GNAS-AS1: variants seen among roughly 807,000 people sequenced by gnomAD.
GNAS-AS1 encodes the protein GNAS antisense RNA 1.
rs1327351671 is a variant in GNAS-AS1 at position 58,831,257 on chromosome 20, C to T, written n.819+10680G>A. On this transcript the variant is annotated intron_variant and non_coding_transcript_variant, in intron 4 of 4. Transcript: ENST00000424094. ...CGAACAGTGGCATAAGCCACTGTGC[C>T]CGGCCAGACCACGCTAATATTTCAA... Among the ~76,000 whole-genome samples the T allele has an allele frequency of 3.3e-5, 5 of 152,042 alleles. No homozygotes were observed. The East Asian group carries it at 5.8e-4, about 18-fold the overall frequency.
chr20:58,838,319 C>G (rs1308395044), intron 4 of GNAS-AS1, among the ~76,000 whole-genome samples: 1 of 152,106 alleles, frequency 6.6e-6, no homozygotes, highest in African/African-American at 2.4e-5. Context: ...GAAAGAGCGG[C>G]ACTATTTACT....
At chr20:58,822,582 T>A (rs761013782) in intron 4 of GNAS-AS1, among the ~76,000 whole-genome samples, 14 of 152,240 alleles carry the variant, frequency 9.2e-5, no homozygotes, top group Admixed American at 3.3e-4. Flanking sequence ...ACATACCATG[T>A]ATCTGGGTGA....
At chr20:58,845,793 G>C (rs527593555) in intron 2 of GNAS-AS1, among the ~76,000 whole-genome samples, 2 of 152,306 alleles carry the variant, frequency 1.3e-5, no homozygotes, top group East Asian at 3.9e-4. Context: ...TAGTGACTTA[G>C]TTCTCCCAAG....
At position 58,841,765 on chromosome 20, in the gene GNAS-AS1, G is replaced by A; in HGVS notation, n.819+172C>T. The A allele has an allele frequency of 8.1e-7, 1 of 1,230,132 alleles. No individual in the cohort carries two copies. 76.2% of individuals were successfully genotyped at this position (1,230,132 alleles called of 1,614,324 possible). A position where few individuals can be genotyped will look rare whatever the true frequency, so the allele number is the denominator to read the frequency against. ...CATGGTCACGTCGGGGTATTGCCAA[G>A]CTTTTGGCGCAGCTGGTCGGGTGGC... On this transcript the variant is annotated intron_variant and non_coding_transcript_variant, in intron 4 of 4. Transcript: ENST00000424094. This position sits in a 1 kb window ranked among gnomAD's most constrained non-coding sequence, Gnocchi z 5.0.
At chr20:58,824,278 CCT>C (rs1600643401) in intron 4 of GNAS-AS1, among the ~76,000 whole-genome samples, 1 of 152,342 alleles carries the variant, frequency 6.6e-6, no homozygotes, top group African/African-American at 2.4e-5. Context: ...GCGCTGGCCT[CCT>C]CTCTGCCTTG....
chr20:58,830,417 C>CCACCAGCACCAT lies in GNAS-AS1; in HGVS notation n.820-11163_820-11162insATGGTGCTGGTG, dbSNP rs1568900271. ...CACCATCACTGCCACACCACCATCA[C>CCACCAGCACCAT]CACCACCGCCACACCACCATCATTA... On this transcript the variant is annotated intron_variant and non_coding_transcript_variant, in intron 4 of 4. Coordinates refer to ENST00000424094, the Ensembl canonical transcript of GNAS-AS1. 2.1e-3 allele frequency among the ~76,000 whole-genome samples: 133 copies of CCACCAGCACCAT among 63,192 alleles called. 2 individuals are homozygous for CCACCAGCACCAT. Among genetic ancestry groups the CCACCAGCACCAT allele is most frequent in the African/African-American group, 5.6e-3 (96 of 17,162 alleles). The allele number at this position is 63,192 out of a possible 152,430, so 41.5% of individuals were successfully genotyped here.
At chr20:58,828,477 A>C (rs895638602) in intron 4 of GNAS-AS1, among the ~76,000 whole-genome samples, 1 of 152,184 alleles carries the variant, frequency 6.6e-6, no homozygotes. Flanking sequence ...GACTAGAAAA[A>C]TTCAGTCTAA....
intron 4 of GNAS-AS1, chr20:58,825,984 G>C (rs1040272749): frequency 1.5e-5 from 6 of 398,336 alleles, no homozygotes; most frequent in Non-Finnish European, 1.3e-5. Context: ...GTCTCTGAGA[G>C]TGCGCCATTC....
At chr20:58,843,939 T>C (rs560315848) in intron 2 of GNAS-AS1, 102 of 152,332 alleles carry the variant, frequency 6.7e-4, no homozygotes, top group African/African-American at 2.3e-3. Context: ...CAGTTTGGGA[T>C]TGTTTTGAGA....
Position 58,841,252 on chromosome 20 carries a change from C to A in GNAS-AS1, n.819+685G>T. 1 of 970,292 alleles carries A rather than the reference C, an allele frequency of 1.0e-6. No individual in the cohort carries two copies. The highest frequency in any genetic ancestry group is 1.3e-6 in the Non-Finnish European group (1 of 777,598). The allele number at this position is 970,292 out of a possible 1,614,324, so 60.1% of individuals were successfully genotyped here. A position where few individuals can be genotyped will look rare whatever the true frequency, so the allele number is the denominator to read the frequency against. ...TCACTTGTTTTGCGCGCTTTTCTTCCTCCTAGAAAGACTAGTCTCAAATAA... is the reference window on the plus strand; with the variant it reads ...TCACTTGTTTTGCGCGCTTTTCTTCATCCTAGAAAGACTAGTCTCAAATAA... On this transcript the variant is annotated intron_variant and non_coding_transcript_variant, in intron 4 of 4. Coordinates refer to ENST00000424094, the Ensembl canonical transcript of GNAS-AS1. The surrounding 1 kb of genome is among the most constrained non-coding windows in gnomAD (Gnocchi z 5.0).
chr20:58,823,531 C>T (rs1174515888), intron 4 of GNAS-AS1, among the ~76,000 whole-genome samples: 1 of 152,214 alleles, frequency 6.6e-6, no homozygotes, highest in Non-Finnish European at 1.5e-5. Flanking sequence ...TCCTCCATCC[C>T]CCCCGTCTCC....
At chr20:58,825,937 C>T (rs2085516952) in intron 4 of GNAS-AS1, 1 of 396,380 alleles carries the variant, frequency 2.5e-6, no homozygotes, top group Non-Finnish European at 4.4e-6. Context: ...CTGGTGGCCA[C>T]AGGCCTTGTG....
rs1172235267 is a variant in GNAS-AS1, at chr20:58,840,730, G to T, written n.819+1207C>A. 6.2e-7 allele frequency: 1 copy of T among 1,604,564 alleles called. No homozygotes were observed. The highest frequency in any genetic ancestry group is 1.7e-5 in the Admixed American group (1 of 59,782). ...ATCCAAGGGACCCCGAAGAGTCGAA[G>T]GAGCCCAAGGAGGAGAAGCAGCGGC... On this transcript the variant is annotated intron_variant and non_coding_transcript_variant, in intron 4 of 4. Transcript: ENST00000424094. This position sits in a 1 kb window ranked among gnomAD's most constrained non-coding sequence, Gnocchi z 6.0.
In GNAS-AS1 at chr20:58,840,512, G is replaced by A. The variant is rs2085677036; in HGVS notation, n.819+1425C>T. 1.9e-6 allele frequency: 3 copies of A among 1,613,422 alleles called. No homozygotes were observed. Among genetic ancestry groups the A allele is most frequent in the African/African-American group, 1.3e-5 (1 of 74,892 alleles). The stretch of plus-strand genomic sequence containing the variant: ...CGAGCCTGAGACCGCCCCCACCACT[G>A]AGCCCGAGACCGAGCCTGAAGACGA... On this transcript the variant is annotated intron_variant and non_coding_transcript_variant, in intron 4 of 4. Transcript: ENST00000424094. This position sits in a 1 kb window ranked among gnomAD's most constrained non-coding sequence, Gnocchi z 6.0.
chr20:58,844,056 A>C (rs546275857), intron 2 of GNAS-AS1: 1 of 152,350 alleles, frequency 6.6e-6, no homozygotes, highest in South Asian at 2.1e-4. Flanking sequence ...GGAGGAAGAA[A>C]GCTGAAACTT....
chr20:58,820,231 C>A (rs551935375), intron 4 of GNAS-AS1, among the ~76,000 whole-genome samples: 1 of 152,378 alleles, frequency 6.6e-6, no homozygotes, highest in East Asian at 1.9e-4. Flanking sequence ...CTGAGCCACA[C>A]AGGTGGGGCT....
chr20:58,840,780 C>A lies in GNAS-AS1; in HGVS notation n.819+1157G>T. Reference sequence around the variant, plus strand: ...CGTCGCTGCAAGCCAAAGAAGCCCACCCGCCGTGACGCGTCCCCGGAGTCC... The same window carrying A: ...CGTCGCTGCAAGCCAAAGAAGCCCAACCGCCGTGACGCGTCCCCGGAGTCC... On this transcript the variant is annotated intron_variant and non_coding_transcript_variant, in intron 4 of 4. Transcript: ENST00000424094. The surrounding 1 kb of genome is among the most constrained non-coding windows in gnomAD (Gnocchi z 6.0). 1 of 1,610,428 alleles carries A rather than the reference C, an allele frequency of 6.2e-7. No individual in the cohort carries two copies. Among genetic ancestry groups the A allele is most frequent in the South Asian group, 1.1e-5 (1 of 91,062 alleles).
At chr20:58,847,945 C>G (rs1225061101) in intron 2 of GNAS-AS1, among the ~76,000 whole-genome samples, 1 of 152,206 alleles carries the variant, frequency 6.6e-6, no homozygotes, top group Admixed American at 6.5e-5. Flanking sequence ...AGAGGTGAGA[C>G]TGTTTGGGAG....
chr20:58,827,806 C>T (rs1394754308), intron 4 of GNAS-AS1, among the ~76,000 whole-genome samples: 1 of 152,196 alleles, frequency 6.6e-6, no homozygotes, highest in Non-Finnish European at 1.5e-5. Context: ...AGTTGGTAAC[C>T]TCTGGGGGAT....
Sources: gnomAD v4.1 joint callset for allele counts (sites outside exome capture counted in the v4.1 genomes callset) on GRCh38, gnomAD v4.1.1 for gene constraint, Gnocchi (gnomAD v3.1) non-coding constraint, MANE v1.5 for transcripts, NCBI Gene and HGNC (gene_info 2026-07-23, HGNC 2026-07-21) for gene names.